FANCC: variants seen among roughly 807,000 people sequenced by gnomAD.
FANCC encodes the protein Fanconi anemia group C protein.
Under a neutral mutation model 71.3 loss-of-function variants are expected in FANCC, and 55 were observed. The ratio of observed to expected loss-of-function variants is 0.77; its 90% CI spans 0.62 to 0.97. The LOEUF is 0.97. FANCC is among the 50% of genes least tolerant of loss of function. The probability of loss-of-function intolerance (pLI) is 0.00; values close to 1 mark genes in which losing one functional copy is unlikely to be tolerated. For missense variants in FANCC, 678 were observed against 670.9 expected (o/e 1.01, Z -0.12); for synonymous variants, 275 against 244.9 (o/e 1.12, Z -1.15).
intron 4 of FANCC, among the ~76,000 whole-genome samples, chr9:95,196,134 T>C (rs1827439936): frequency 6.6e-6 from 1 of 152,214 alleles, no homozygotes; most frequent in Admixed American, 6.5e-5. Flanking sequence ...AACAGTGTCT[T>C]GAACTTCCAG....
chr9:95,145,799 C>T (rs1374109771), intron 7 of FANCC, among the ~76,000 whole-genome samples: 1 of 152,166 alleles, frequency 6.6e-6, no homozygotes, highest in Non-Finnish European at 1.5e-5. Flanking sequence ...CAGAGGCACG[C>T]ACCCTTTATC....
intron 4 of FANCC, among the ~76,000 whole-genome samples, chr9:95,219,492 A>C (rs1829095623): frequency 6.6e-6 from 1 of 152,182 alleles, no homozygotes; most frequent in African/African-American, 2.4e-5. Flanking sequence ...ACCAGTTGTC[A>C]ACAAAATATC....
chr9:95,284,057 T>C (rs1006786443), intron 1 of FANCC, among the ~76,000 whole-genome samples: 1 of 152,386 alleles, frequency 6.6e-6, no homozygotes, highest in Non-Finnish European at 1.5e-5. Flanking sequence ...ACCCATTCAA[T>C]GTCAGTTATT....
chr9:95,241,606 G>A (rs979439760), intron 3 of FANCC, among the ~76,000 whole-genome samples: 11 of 152,236 alleles, frequency 7.2e-5, no homozygotes, highest in African/African-American at 2.2e-4. Flanking sequence ...TAAGACAGCC[G>A]GTGCCTGGAA....
intron 5 of FANCC, 122 bp from the exon 6 acceptor site, chr9:95,171,265 C>T (rs1825661940): frequency 3.9e-6 from 3 of 760,704 alleles, no homozygotes; most frequent in South Asian, 2.9e-5. Context: ...TCTCATGTTT[C>T]ACTCTGTCAG....
intron 4 of FANCC, among the ~76,000 whole-genome samples, chr9:95,223,875 G>A (rs1014058855): frequency 6.6e-6 from 1 of 152,206 alleles, no homozygotes; most frequent in Non-Finnish European, 1.5e-5. Context: ...TACTCGGGAG[G>A]CTGAGGCATG....
At chr9:95,255,243 C>T (rs1831587991) in intron 1 of FANCC, among the ~76,000 whole-genome samples, 1 of 152,100 alleles carries the variant, frequency 6.6e-6, no homozygotes, top group Admixed American at 6.6e-5. Flanking sequence ...GGTCCCTGAC[C>T]CGCATGCCTC....
intron 6 of FANCC, among the ~76,000 whole-genome samples, chr9:95,166,155 T>A (rs1453645073): frequency 3.3e-5 from 5 of 152,090 alleles, no homozygotes; most frequent in African/African-American, 1.2e-4. Flanking sequence ...TATAGTTGGA[T>A]CTTGTTTTCT....
At position 95,252,417 on chromosome 9, in the gene FANCC, T is replaced by C. The variant is rs570762973; in HGVS notation, c.-78-3048A>G. ...GGGAACCCAGTAAAATGAAGAACTT[T>C]TTGATAAAAGAGACAAACATTTTAT... On this transcript the variant is annotated intron_variant, in intron 1 of 14. Coordinates refer to ENST00000289081, the MANE Select transcript of FANCC (RefSeq NM_000136.3). Among the ~76,000 whole-genome samples, 288 of 151,998 alleles carry C rather than the reference T, an allele frequency of 1.9e-3. 2 individuals carry two copies. Among genetic ancestry groups the C allele is most frequent in the Non-Finnish European group, 4.1e-4 (28 of 67,984 alleles).
chr9:95,200,996 G>A (rs1827771478), intron 4 of FANCC, among the ~76,000 whole-genome samples: 1 of 152,152 alleles, frequency 6.6e-6, no homozygotes, highest in Non-Finnish European at 1.5e-5. Context: ...ATGCTGAGCT[G>A]TAAACTGTAG....
intron 3 of FANCC, among the ~76,000 whole-genome samples, chr9:95,242,123 C>G (rs1348581613): frequency 6.6e-6 from 1 of 152,164 alleles, no homozygotes; most frequent in Non-Finnish European, 1.5e-5. Context: ...TTTCCAATAA[C>G]TAACATCTCT....
At chr9:95,170,720 G>T (rs1588217736) in intron 6 of FANCC, among the ~76,000 whole-genome samples, 1 of 150,950 alleles carries the variant, frequency 6.6e-6, no homozygotes, top group East Asian at 1.9e-4. Flanking sequence ...GCTAGTGTGA[G>T]AGCATACACT....
At chr9:95,236,477 T>G (rs921313390) in intron 4 of FANCC, among the ~76,000 whole-genome samples, 2 of 152,232 alleles carry the variant, frequency 1.3e-5, no homozygotes, top group African/African-American at 4.8e-5. Context: ...GAGGTGGTGC[T>G]CTATGATGGC....
At chr9:95,292,794 C>G (rs1271387065) in intron 1 of FANCC, 9 of 1,550,578 alleles carry the variant, frequency 5.8e-6, no homozygotes, top group Non-Finnish European at 8.0e-6. Context: ...TCTCGTAAAA[C>G]AGCACTTTAT....
In FANCC at chr9:95,138,493, G is replaced by A. The variant is rs892007840; in HGVS notation, c.687-2991C>T. 2.6e-5 allele frequency among the ~76,000 whole-genome samples: 4 copies of A among 152,324 alleles called. No individual in the cohort carries two copies. The South Asian group carries it at 6.2e-4, about 24-fold the overall frequency. The stretch of plus-strand genomic sequence containing the variant: ...CTCGTAGCTTCCATCATGGAGCCAG[G>A]AAGCTCTGAATAGGAGAGTTCGCCT... On this transcript the variant is annotated intron_variant, in intron 7 of 14. Coordinates refer to ENST00000289081, the MANE Select transcript of FANCC (RefSeq NM_000136.3).
At chr9:95,164,686 T>C (rs542373347) in intron 6 of FANCC, among the ~76,000 whole-genome samples, 1 of 152,300 alleles carries the variant, frequency 6.6e-6, no homozygotes, top group South Asian at 2.1e-4. Context: ...TTTAACGTAT[T>C]GTTGAATTCC....
chr9:95,116,735 A>T (rs1564654942), intron 11 of FANCC, among the ~76,000 whole-genome samples: 1 of 152,210 alleles, frequency 6.6e-6, no homozygotes, highest in African/African-American at 2.4e-5. Context: ...GATCAACACC[A>T]GTCGAATGAA....
At chr9:95,205,199 T>A (rs1828044082) in intron 4 of FANCC, among the ~76,000 whole-genome samples, 1 of 152,216 alleles carries the variant, frequency 6.6e-6, no homozygotes, top group African/African-American at 2.4e-5. Context: ...AATGTCATTA[T>A]AAATTCTAAT....
chr9:95,121,858 ATT>A (rs61191938), intron 10 of FANCC, among the ~76,000 whole-genome samples: 19 of 138,062 alleles, frequency 1.4e-4, no homozygotes, highest in Non-Finnish European at 1.1e-4. Flanking sequence ...CATAAAATTC[ATT>A]TTTTTTTTTT....
Sources: gnomAD v4.1 joint callset for allele counts (sites outside exome capture counted in the v4.1 genomes callset) on GRCh38, gnomAD v4.1.1 for gene constraint, MANE v1.5 for transcripts, NCBI Gene and HGNC (gene_info 2026-07-23, HGNC 2026-07-21) for gene names.